Variants in ASTN2 observed in about 807,000 individuals in gnomAD.
ASTN2 encodes astrotactin 2.
Under a neutral mutation model 139.8 loss-of-function variants are expected in ASTN2, and 54 were observed. The ratio of observed to expected loss-of-function variants is 0.39; its 90% CI spans 0.31 to 0.48. ASTN2 has a LOEUF of 0.48. Ranked by LOEUF, ASTN2 falls within the 20% of genes least tolerant of loss-of-function variation. The probability of loss-of-function intolerance (pLI) is 0.95; values close to 1 mark genes in which losing one functional copy is unlikely to be tolerated. For synonymous variants in ASTN2, 756 were observed against 719.5 expected (o/e 1.05, Z -0.81); for missense variants, 1,565 against 1,725.1 (o/e 0.91, Z 1.64).
chr9:116,636,093 A>G (rs10983286), intron 17 of ASTN2, among the ~76,000 whole-genome samples: 3,612 of 152,304 alleles, frequency 0.024, 138 homozygotes, highest in African/African-American at 0.082. Context: ...CTGAGACCAC[A>G]AGCTATGGAA....
chr9:116,747,009 C>T (rs2132147186), intron 13 of ASTN2, among the ~76,000 whole-genome samples: 1 of 152,320 alleles, frequency 6.6e-6, no homozygotes, highest in Non-Finnish European at 1.5e-5. Context: ...CGATCTCCCT[C>T]CCATGGGGCC....
chr9:117,059,579 C>T (rs1248207711), intron 5 of ASTN2, among the ~76,000 whole-genome samples: 1 of 152,094 alleles, frequency 6.6e-6, no homozygotes, highest in Non-Finnish European at 1.5e-5. Flanking sequence ...TGCCACTGCA[C>T]TCCAGCTTGG....
intron 2 of ASTN2, among the ~76,000 whole-genome samples, chr9:117,263,045 A>G (rs1443403022): frequency 6.6e-6 from 1 of 152,222 alleles, no homozygotes; most frequent in Non-Finnish European, 1.5e-5. Flanking sequence ...TCTAAACTAC[A>G]GAACTGTAAG....
rs188939814 is a variant in ASTN2 at position 117,268,778 on chromosome 9, A to C, written c.630+22548T>G. 2.6e-5 allele frequency among the ~76,000 whole-genome samples: 4 copies of C among 152,294 alleles called. No homozygotes were observed. The East Asian group carries it at 7.7e-4, about 29-fold the overall frequency. On this transcript the variant is annotated intron_variant, in intron 2 of 22. Transcript: ENST00000313400. ...GCCAGTTCCTACAATGTGACATTAG[A>C]CAAGCTGTAATGTCTCTGGGGCCCC...
At chr9:116,865,987 C>T (rs1339613258) in intron 10 of ASTN2, among the ~76,000 whole-genome samples, 1 of 152,208 alleles carries the variant, frequency 6.6e-6, no homozygotes, top group Non-Finnish European at 1.5e-5. Flanking sequence ...CTCCCAATCT[C>T]CACAGTAGCT....
intron 12 of ASTN2, among the ~76,000 whole-genome samples, chr9:116,809,831 T>C (rs571302520): frequency 7.9e-5 from 12 of 152,256 alleles, no homozygotes; most frequent in Non-Finnish European, 1.5e-4. Flanking sequence ...TTGGGTCCTC[T>C]TCCTGGACTT....
Position 116,911,658 on chromosome 9 carries a change from A to C in ASTN2, c.1890-47925T>G, listed in dbSNP as rs947571208. On this transcript the variant is annotated intron_variant, in intron 10 of 22. Transcript: ENST00000313400. ...GGTGGCTCACGCTTGTAATCCCAGC[A>C]CTTTGGGAGGCCGAGGCAGGCGGAT... Among the ~76,000 whole-genome samples the C allele has an allele frequency of 2.6e-5, 4 of 152,312 alleles. No individual in the cohort carries two copies. The South Asian group carries it at 6.2e-4, about 24-fold the overall frequency.
At chr9:116,603,129 A>G (rs1415804044) in intron 19 of ASTN2, among the ~76,000 whole-genome samples, 1 of 152,226 alleles carries the variant, frequency 6.6e-6, no homozygotes, top group Non-Finnish European at 1.5e-5. Context: ...TTGACCAAGC[A>G]GGGAAATTAA....
At chr9:116,905,000 T>G (rs1834116664) in intron 10 of ASTN2, among the ~76,000 whole-genome samples, 1 of 152,102 alleles carries the variant, frequency 6.6e-6, no homozygotes, top group Non-Finnish European at 1.5e-5. Flanking sequence ...GTGGTCCTAT[T>G]TTTTGGCAGA....
intron 19 of ASTN2, among the ~76,000 whole-genome samples, chr9:116,553,370 C>T (rs1282955106): frequency 6.6e-6 from 1 of 152,184 alleles, no homozygotes; most frequent in African/African-American, 2.4e-5. Context: ...CCAGAGAGTA[C>T]TGGCCCAGTG....
At chr9:117,043,728 C>CA (rs1216576669) in intron 5 of ASTN2, among the ~76,000 whole-genome samples, 1 of 151,898 alleles carries the variant, frequency 6.6e-6, no homozygotes, top group East Asian at 1.9e-4. Context: ...GCCAACACGG[C>CA]AAAACCCCGT....
At chr9:117,085,015 G>A (rs116454493) in intron 5 of ASTN2, among the ~76,000 whole-genome samples, 1 of 152,252 alleles carries the variant, frequency 6.6e-6, no homozygotes, top group African/African-American at 2.4e-5. Flanking sequence ...TAGAACTCAC[G>A]ATTCTCTCAA....
intron 19 of ASTN2, among the ~76,000 whole-genome samples, chr9:116,593,255 T>C (rs1854443393): frequency 6.6e-6 from 1 of 152,232 alleles, no homozygotes; most frequent in Non-Finnish European, 1.5e-5. Flanking sequence ...TCTGCTTCCC[T>C]GCCTGAAGGG....
chr9:116,816,764 T>C (rs1452449245), intron 12 of ASTN2, among the ~76,000 whole-genome samples: 1 of 152,060 alleles, frequency 6.6e-6, no homozygotes, highest in African/African-American at 2.4e-5. Flanking sequence ...ATTTACTCTG[T>C]TTTGGAGAAC....
intron 13 of ASTN2, among the ~76,000 whole-genome samples, chr9:116,736,076 T>A (rs1828918514): frequency 6.6e-6 from 1 of 152,180 alleles, no homozygotes. Flanking sequence ...TGTAACTACC[T>A]AAAGCCACAA....
intron 10 of ASTN2, among the ~76,000 whole-genome samples, chr9:116,927,176 T>C (rs1364149155): frequency 6.6e-6 from 1 of 152,196 alleles, no homozygotes; most frequent in Non-Finnish European, 1.5e-5. Context: ...GTATCTCTGT[T>C]GCCTTCCATC....
intron 22 of ASTN2, chr9:116,437,566 G>A (rs1297105046): frequency 2.1e-6 from 1 of 471,042 alleles, no homozygotes; most frequent in Non-Finnish European, 4.4e-6. Context: ...TTTATGTCCT[G>A]GAGGCTCATA....
At chr9:116,946,407 C>A (rs1835396026) in intron 10 of ASTN2, among the ~76,000 whole-genome samples, 1 of 152,044 alleles carries the variant, frequency 6.6e-6, no homozygotes. Context: ...ATGTTTATTC[C>A]CCCACCCCCA....
At chr9:116,908,956 G>T (rs948479402) in intron 10 of ASTN2, among the ~76,000 whole-genome samples, 3 of 152,150 alleles carry the variant, frequency 2.0e-5, no homozygotes, top group African/African-American at 7.2e-5. Context: ...ACTAAGCATG[G>T]AGTGCTAGAA....
Sources: allele counts gnomAD v4.1 joint callset (sites outside exome capture counted in the v4.1 genomes callset), GRCh38; gene constraint gnomAD v4.1.1; transcripts MANE v1.5; gene names NCBI Gene and HGNC (gene_info 2026-07-23, HGNC 2026-07-21).